Variants in DNAJC1 observed in about 807,000 individuals in gnomAD.
The protein encoded by DNAJC1 is dnaJ homolog subfamily C member 1.
Under a neutral mutation model 76.6 loss-of-function variants are expected in DNAJC1, and 58 were observed. The observed-to-expected ratio is 0.76, with a 90% CI of 0.61 to 0.94. The LOEUF (loss-of-function observed/expected upper bound fraction) is 0.94, where lower values mean the gene tolerates loss of function less well. DNAJC1 is among the 40% of genes least tolerant of loss of function. The probability of loss-of-function intolerance (pLI) is 0.00; values close to 1 mark genes in which losing one functional copy is unlikely to be tolerated. For synonymous variants in DNAJC1, 258 were observed against 267.9 expected (o/e 0.96, Z 0.36); for missense variants, 689 against 677.3 (o/e 1.02, Z -0.19).
chr10:21,818,756 T>C (rs57367681), intron 8 of DNAJC1, among the ~76,000 whole-genome samples: 348 of 152,298 alleles, frequency 2.3e-3, no homozygotes, highest in African/African-American at 7.9e-3. Context: ...GACCCAACTT[T>C]TGCCATACTA....
intron 8 of DNAJC1, among the ~76,000 whole-genome samples, chr10:21,858,527 C>G (rs1835874742): frequency 6.6e-6 from 1 of 152,136 alleles, no homozygotes; most frequent in Non-Finnish European, 1.5e-5. Flanking sequence ...AAAATACTGG[C>G]TGTATAGAAG....
At chr10:21,988,532 T>C (rs1838282371) in intron 1 of DNAJC1, among the ~76,000 whole-genome samples, 1 of 152,186 alleles carries the variant, frequency 6.6e-6, no homozygotes, top group Non-Finnish European at 1.5e-5. Context: ...ATGTTCCAAA[T>C]GTGTACTCTA....
intron 9 of DNAJC1, among the ~76,000 whole-genome samples, chr10:21,787,066 G>A (rs1453387751): frequency 1.3e-5 from 2 of 152,066 alleles, no homozygotes; most frequent in Non-Finnish European, 2.9e-5. Context: ...GGTAGTTCAC[G>A]CCTGTAATTC....
At chr10:21,889,511 G>C (rs909629287) in intron 7 of DNAJC1, among the ~76,000 whole-genome samples, 4 of 152,052 alleles carry the variant, frequency 2.6e-5, no homozygotes, top group African/African-American at 9.7e-5. Flanking sequence ...GAGTAAACAA[G>C]TTATTTGTTT....
chr10:21,887,031 C>T (rs1053699104), intron 7 of DNAJC1, among the ~76,000 whole-genome samples: 3 of 152,120 alleles, frequency 2.0e-5, no homozygotes, highest in African/African-American at 7.2e-5. Context: ...TGGTAAACAT[C>T]TTCAGCAAAG....
At chr10:21,870,270 A>C (rs531950485) in intron 8 of DNAJC1, among the ~76,000 whole-genome samples, 1 of 152,068 alleles carries the variant, frequency 6.6e-6, no homozygotes, top group Admixed American at 6.5e-5. Flanking sequence ...ATAAATAAAA[A>C]TTTTTTAGCA....
intron 8 of DNAJC1, among the ~76,000 whole-genome samples, chr10:21,878,776 G>A (rs1161455379): frequency 4.6e-5 from 7 of 152,012 alleles, no homozygotes; most frequent in African/African-American, 1.7e-4. Flanking sequence ...ATTTACTGAA[G>A]TTGAGCTCTG....
chr10:21,899,690 G>A (rs1471471562), intron 7 of DNAJC1, among the ~76,000 whole-genome samples: 6 of 152,202 alleles, frequency 3.9e-5, no homozygotes, highest in African/African-American at 1.4e-4. Flanking sequence ...ACAGAGCTCT[G>A]ATCTGTTGAG....
chr10:21,841,782 T>C (rs1054835764), intron 8 of DNAJC1, among the ~76,000 whole-genome samples: 2 of 152,128 alleles, frequency 1.3e-5, no homozygotes, highest in African/African-American at 4.8e-5. Flanking sequence ...TAAACCATGC[T>C]GCTATAAAGA....
chr10:21,808,869 C>G (rs1370976611), intron 8 of DNAJC1, among the ~76,000 whole-genome samples: 2 of 152,184 alleles, frequency 1.3e-5, no homozygotes, highest in Non-Finnish European at 1.5e-5. Context: ...GGTGTGGAGA[C>G]AGCTGTTGTG....
chr10:21,773,457 G>T (rs1418886378), intron 9 of DNAJC1, among the ~76,000 whole-genome samples: 1 of 151,652 alleles, frequency 6.6e-6, no homozygotes, highest in Non-Finnish European at 1.5e-5. Context: ...TCCTGATATT[G>T]ATTTCTAATT....
intron 1 of DNAJC1, among the ~76,000 whole-genome samples, chr10:21,951,819 A>G (rs1274788396): frequency 2.0e-5 from 3 of 152,224 alleles, no homozygotes; most frequent in African/African-American, 7.2e-5. Flanking sequence ...ACACAATTAA[A>G]AGCTAATTTA....
chr10:21,822,466 TAATA>T (rs901026313), intron 8 of DNAJC1, among the ~76,000 whole-genome samples: 4 of 141,938 alleles, frequency 2.8e-5, no homozygotes, highest in East Asian at 2.1e-4. Context: ...AATAAATGAA[TAATA>T]AAATAAATAA....
At chr10:21,849,987 T>C (rs1391988793) in intron 8 of DNAJC1, among the ~76,000 whole-genome samples, 1 of 152,088 alleles carries the variant, frequency 6.6e-6, no homozygotes, top group African/African-American at 2.4e-5. Context: ...TAGAGGTCAT[T>C]TGTGGAGAAA....
At chr10:21,764,700 T>A (rs1834276200) in intron 10 of DNAJC1, among the ~76,000 whole-genome samples, 1 of 152,226 alleles carries the variant, frequency 6.6e-6, no homozygotes, top group Non-Finnish European at 1.5e-5. Flanking sequence ...TCAGAAGAAA[T>A]ACTTTTATTT....
chr10:21,953,901 G>A (rs1175039134), intron 1 of DNAJC1, among the ~76,000 whole-genome samples: 4 of 142,428 alleles, frequency 2.8e-5, no homozygotes, highest in Non-Finnish European at 6.1e-5. Context: ...ACTTTCCTTT[G>A]TTAGTTTAAT....
intron 1 of DNAJC1, among the ~76,000 whole-genome samples, chr10:21,999,088 T>C (rs1394420870): frequency 6.6e-6 from 1 of 152,168 alleles, no homozygotes; most frequent in Non-Finnish European, 1.5e-5. Flanking sequence ...CCACAGACAG[T>C]CACTACCATC....
chr10:21,775,013 C>A (rs574744595), intron 9 of DNAJC1, among the ~76,000 whole-genome samples: 6 of 152,150 alleles, frequency 3.9e-5, no homozygotes, highest in Non-Finnish European at 5.9e-5. Context: ...AGTTAAGAGT[C>A]GCCTTATGCT....
intron 7 of DNAJC1, among the ~76,000 whole-genome samples, chr10:21,886,818 T>C (rs1160922964): frequency 6.6e-6 from 1 of 151,842 alleles, no homozygotes; most frequent in African/African-American, 2.4e-5. Flanking sequence ...GTATTCCCTT[T>C]GAAAATTGGC....
Sources: gnomAD v4.1 joint callset for allele counts (sites outside exome capture counted in the v4.1 genomes callset) on GRCh38, gnomAD v4.1.1 for gene constraint, MANE v1.5 for transcripts, NCBI Gene and HGNC (gene_info 2026-07-23, HGNC 2026-07-21) for gene names.